The following ZNF606 variants were observed in gnomAD, a reference collection of about 807,000 sequenced individuals.
ZNF606 encodes the protein zinc finger protein 328.
Under a neutral mutation model 74.9 loss-of-function variants are expected in ZNF606, and 37 were observed. That is an observed-to-expected ratio of 0.49 (90% CI 0.38 to 0.65). The LOEUF (loss-of-function observed/expected upper bound fraction) is 0.65. Among genes scored for constraint, ZNF606 ranks in the 30% least tolerant of loss-of-function variants. The probability of loss-of-function intolerance (pLI) is 0.00; values close to 1 mark genes in which losing one functional copy is unlikely to be tolerated. For missense variants in ZNF606, 852 were observed against 952.9 expected (o/e 0.89, Z 1.39); for synonymous variants, 328 against 312.4 (o/e 1.05, Z -0.53).
chr19:58,001,664 T>C (rs539471626), intron 1 of ZNF606, among the ~76,000 whole-genome samples: 9 of 152,328 alleles, frequency 5.9e-5, no homozygotes, highest in Non-Finnish European at 1.2e-4. Flanking sequence ...CTGACAATTA[T>C]TGTAAAATCA....
intron 6 of ZNF606, among the ~76,000 whole-genome samples, 156 bp downstream of exon 6, chr19:57,988,051 C>T (rs1372991274): frequency 6.6e-6 from 1 of 152,178 alleles, no homozygotes; most frequent in Non-Finnish European, 1.5e-5. Context: ...GATGGTGATG[C>T]TTCTTTGCTC....
chr19:57,988,870 T>C, intron 4 of ZNF606, 149 bp from the exon 5 acceptor site: 1 of 1,301,808 alleles, frequency 7.7e-7, no homozygotes, highest in African/African-American at 1.5e-5. Context: ...GTGAGTCAGG[T>C]CTCATTGAGA....
Position 57,988,364 on chromosome 19 carries a change from T to C in ZNF606, c.305-62A>G, listed in dbSNP as rs115918965. ...AGGCTTCAGGACAGCCAAAGAAAGC[T>C]TCTCTTGCCTATTCCTCCCTGTGAC... On this transcript the variant is annotated intron_variant, in intron 5 of 6. Coordinates refer to ENST00000551380, the MANE Select transcript of ZNF606 (RefSeq NM_001348022.3). 5.6e-4 allele frequency: 858 copies of C among 1,527,010 alleles called. 10 individuals are homozygous for C. The African/African-American group carries it at 0.011, about 19-fold the overall frequency. The allele number at this position is 1,527,010 out of a possible 1,614,324, so 94.6% of individuals were successfully genotyped here.
At chr19:58,000,888 A>T in intron 2 of ZNF606, 149 bp from the exon 3 acceptor site, 1 of 683,786 alleles carries the variant, frequency 1.5e-6, no homozygotes, top group Non-Finnish European at 2.4e-6. Context: ...CATAAGCTGG[A>T]TTCACACAGG....
intron 6 of ZNF606, among the ~76,000 whole-genome samples, chr19:57,982,957 TTA>T (rs2073108747): frequency 6.7e-6 from 1 of 149,838 alleles, no homozygotes; most frequent in Non-Finnish European, 1.5e-5. Flanking sequence ...CCCACGACCA[TTA>T]TAACAGAGGT....
At chr19:57,998,173 T>C (rs1169356845) in intron 4 of ZNF606, 1 of 152,160 alleles carries the variant, frequency 6.6e-6, no homozygotes, top group Non-Finnish European at 1.5e-5. Context: ...CTCTTTTTCT[T>C]CATCTTTCAT....
chr19:57,999,959 G>A (rs920673248), intron 3 of ZNF606, 63 bp from the exon 4 acceptor site: 4 of 1,516,562 alleles, frequency 2.6e-6, no homozygotes, highest in Admixed American at 1.9e-5. Context: ...CTTTTCTTCT[G>A]GGGGGCTGAG....
Position 57,978,921 on chromosome 19 carries a change from G to A in ZNF606, c.1759C>T (p.Gln587Ter). The A allele has an allele frequency of 1.2e-6, 2 of 1,614,094 alleles. No individual in the cohort carries two copies. The highest frequency in any genetic ancestry group is 1.7e-6 in the Non-Finnish European group (2 of 1,180,006). ...FSWSSHLIAH[Q>*]RTHTGEKPYN... ...GGTTTCTCTCCCGTGTGAGTTCTCT[G>A]ATGGGCAATAAGATGGGAGCTCCAG... Residue 587 changes from glutamine to a stop codon, truncating the protein, a stop_gained, in exon 7 of 7, where the codon CAG (glutamine) becomes TAG (stop). Coordinates refer to ENST00000551380, the MANE Select transcript of ZNF606 (RefSeq NM_001348022.3). LOFTEE classifies it high-confidence loss of function. The surrounding 1 kb of genome is among the most constrained non-coding windows in gnomAD (Gnocchi z 4.4).
In ZNF606 at chr19:57,977,460, T is replaced by C. The variant is rs1174844200; in HGVS notation, c.*841A>G. ...AGGTCCTTACCCATATACATTTTTT[T>C]AGATGTGTTACAGTAAGTATGTATA... On this transcript the variant is annotated 3_prime_UTR_variant, in exon 7 of 7. Coordinates refer to ENST00000551380, the MANE Select transcript of ZNF606 (RefSeq NM_001348022.3). 6.6e-6 allele frequency: 1 copy of C among 152,252 alleles called. No individual in the cohort carries two copies. The highest frequency in any genetic ancestry group is 1.9e-4 in the East Asian group (1 of 5,204). 9.4% of individuals were successfully genotyped at this position (152,252 alleles called of 1,614,324 possible).
Position 57,977,383 on chromosome 19 carries a change from T to C in ZNF606, c.*918A>G, listed in dbSNP as rs763247771. On this transcript the variant is annotated 3_prime_UTR_variant, in exon 7 of 7. Transcript: ENST00000551380. ...CCCAGCACATAAGTGTTATATGTAT[T>C]TGTAAAACTTTTTAAAAATCTCAAC... 6.6e-6 allele frequency: 1 copy of C among 152,234 alleles called. No individual in the cohort carries two copies. Among genetic ancestry groups the C allele is most frequent in the Non-Finnish European group, 1.5e-5 (1 of 68,042 alleles). 9.4% of individuals were successfully genotyped at this position (152,234 alleles called of 1,614,324 possible).
chr19:57,978,836 T>A lies in ZNF606; in HGVS notation c.1844A>T (p.Glu615Val), dbSNP rs2073030248. 7.4e-6 allele frequency: 12 copies of A among 1,614,076 alleles called. No individual in the cohort carries two copies. In the East Asian group the frequency reaches 2.7e-4, roughly 36 times the overall value. The stretch of plus-strand genomic sequence containing the variant: ...GGGCTTAATTCCAGAATGAATTATC[T>A]CATGTTTAGTGAGGGCTGAGCGTTC... Reference protein sequence around the residue: ...FRERSALTKHEIIHSGIKPYE... With the variant: ...FRERSALTKHVIIHSGIKPYE... The change falls in exon 7 of 7, where the codon GAG becomes GTG. Residue 615 changes from glutamate to valine, a missense_variant. Physicochemically the swap from Glu to Val is moderately radical, Grantham distance 121. Coordinates refer to ENST00000551380, the MANE Select transcript of ZNF606 (RefSeq NM_001348022.3). This position sits in a 1 kb window ranked among gnomAD's most constrained non-coding sequence, Gnocchi z 4.4.
chr19:57,983,045 A>T (rs2073110080), intron 6 of ZNF606, among the ~76,000 whole-genome samples: 1 of 152,178 alleles, frequency 6.6e-6, no homozygotes, highest in Non-Finnish European at 1.5e-5. Context: ...CTTCATATAG[A>T]TTTTTAAATC....
chr19:58,001,365 C>A lies in ZNF606; in HGVS notation c.-46G>T. On this transcript the variant is annotated 5_prime_UTR_variant, in exon 2 of 7. Coordinates refer to ENST00000551380, the MANE Select transcript of ZNF606 (RefSeq NM_001348022.3). ...GCACCTGCCCAGGAACACAGCAAATCCCAACCTAGTGACAAAAGTGAAAAA... is the reference window on the plus strand; with the variant it reads ...GCACCTGCCCAGGAACACAGCAAATACCAACCTAGTGACAAAAGTGAAAAA... 6.2e-7 allele frequency: 1 copy of A among 1,613,604 alleles called. No homozygotes were observed. The highest frequency in any genetic ancestry group is 8.5e-7 in the Non-Finnish European group (1 of 1,179,640).
chr19:57,994,093 C>T (rs1600224843), intron 4 of ZNF606, among the ~76,000 whole-genome samples: 1 of 152,294 alleles, frequency 6.6e-6, no homozygotes, highest in South Asian at 2.1e-4. Flanking sequence ...TTCCTATTCT[C>T]AGATTCTCAG....
chr19:57,998,328 G>GTAAT (rs1308050004), intron 4 of ZNF606: 1 of 151,976 alleles, frequency 6.6e-6, no homozygotes, highest in Non-Finnish European at 1.5e-5. Context: ...TTTTTACAAT[G>GTAAT]TAATTACATT....
intron 5 of ZNF606, 73 bp downstream of exon 5, chr19:57,988,522 G>A (rs2073199948): frequency 6.4e-7 from 1 of 1,557,398 alleles, no homozygotes; most frequent in African/African-American, 1.4e-5. Flanking sequence ...CCTGCAATGA[G>A]CTTCTAAACA....
intron 2 of ZNF606, chr19:58,001,020 T>C: frequency 1.8e-6 from 1 of 544,994 alleles, no homozygotes; most frequent in Non-Finnish European, 3.2e-6. Context: ...TTTTATTATA[T>C]GTATCACTGT....
At chr19:57,981,592 T>C (rs1442157977) in intron 6 of ZNF606, among the ~76,000 whole-genome samples, 1 of 152,116 alleles carries the variant, frequency 6.6e-6, no homozygotes, top group African/African-American at 2.4e-5. Flanking sequence ...TCTTGACAAG[T>C]GCAGAAAAAA....
chr19:57,999,536 G>A (rs2073385221), intron 4 of ZNF606: 2 of 506,238 alleles, frequency 4.0e-6, no homozygotes, highest in Non-Finnish European at 7.0e-6. Flanking sequence ...CAATAGAGAA[G>A]TGGGGCTGCC....
Sources: gnomAD v4.1 joint callset for allele counts (sites outside exome capture counted in the v4.1 genomes callset) on GRCh38, gnomAD v4.1.1 for gene constraint, Gnocchi (gnomAD v3.1) non-coding constraint, MANE v1.5 for transcripts, NCBI Gene and HGNC (gene_info 2026-07-23, HGNC 2026-07-21) for gene names.